The following TERT variants were observed in gnomAD, a reference collection of about 807,000 sequenced individuals.
TERT encodes telomerase reverse transcriptase.
A neutral mutation model predicts 104.0 loss-of-function variants in TERT; 42 were observed. The observed-to-expected ratio is 0.40, with a 90% CI of 0.32 to 0.52. The LOEUF is 0.52. Among genes scored for constraint, TERT ranks in the 20% least tolerant of loss-of-function variants. The probability of loss-of-function intolerance (pLI) is 0.43; values close to 1 mark genes in which losing one functional copy is unlikely to be tolerated. For synonymous variants in TERT, 781 were observed against 725.6 expected (o/e 1.08, Z -1.23); for missense variants, 1,101 against 1,610.3 (o/e 0.68, Z 5.41).
In TERT at chr5:1,273,098, A is replaced by ATGACCGC. The variant is rs1749226359; in HGVS notation, c.2287-819_2287-818insGCGGTCA. Among the ~76,000 whole-genome samples, 4 of 98,204 alleles carry ATGACCGC rather than the reference A, an allele frequency of 4.1e-5. 1 individual carries two copies. The highest frequency in any genetic ancestry group is 8.0e-5 in the Non-Finnish European group (4 of 49,800). The allele number at this position is 98,204 out of a possible 152,430, so 64.4% of individuals were successfully genotyped here. ...CCACAGTCACCACACATCAGACCCC[A>ATGACCGC]CAACCGCCATCCACAGTCACCACAC... On this transcript the variant is annotated intron_variant, in intron 6 of 15. Coordinates refer to ENST00000310581, the MANE Select transcript of TERT (RefSeq NM_198253.3).
intron 2 of TERT, among the ~76,000 whole-genome samples, chr5:1,284,975 C>A (rs1750380018): frequency 6.7e-6 from 1 of 148,960 alleles, no homozygotes; most frequent in African/African-American, 2.5e-5. Flanking sequence ...CCAGACACCA[C>A]ACATCCAGCT....
At chr5:1,258,122 C>T (rs900674731) in intron 13 of TERT, among the ~76,000 whole-genome samples, 3 of 152,212 alleles carry the variant, frequency 2.0e-5, no homozygotes, top group African/African-American at 7.2e-5. Flanking sequence ...AGGTGCTGGC[C>T]GGGCTGTGTG....
Position 1,253,181 on chromosome 5 carries a change from G to A in TERT, c.*547C>T, listed in dbSNP as rs528223152. The A allele has an allele frequency of 6.8e-4, 172 of 251,254 alleles. 1 individual carries two copies. The highest frequency in any genetic ancestry group is 3.4e-3 in the African/African-American group (154 of 45,632). The allele number at this position is 251,254 out of a possible 1,614,324, so 15.6% of individuals were successfully genotyped here. Reference sequence around the variant, plus strand: ...CAAACATGAGATTTTTTTCAAAACTGAAAAACTCATATATTCAGTATTTTA... The same window carrying A: ...CAAACATGAGATTTTTTTCAAAACTAAAAAACTCATATATTCAGTATTTTA... On this transcript the variant is annotated 3_prime_UTR_variant, in exon 16 of 16. Transcript: ENST00000310581.
intron 9 of TERT, among the ~76,000 whole-genome samples, chr5:1,267,154 T>C (rs1748666934): frequency 6.6e-6 from 1 of 152,222 alleles, no homozygotes; most frequent in African/African-American, 2.4e-5. Context: ...ATCTAGAACT[T>C]GAACCTTAAT....
In TERT at chr5:1,257,745, G is replaced by A. The variant is rs940297322; in HGVS notation, c.3032+853C>T. Among the ~76,000 whole-genome samples, 2 of 152,328 alleles carry A rather than the reference G, an allele frequency of 1.3e-5. No homozygotes were observed. Among genetic ancestry groups the A allele is most frequent in the South Asian group, 2.1e-4 (1 of 4,820 alleles). On this transcript the variant is annotated intron_variant, in intron 13 of 15. Coordinates refer to ENST00000310581, the MANE Select transcript of TERT (RefSeq NM_198253.3). The surrounding 1 kb of genome is among the most constrained non-coding windows in gnomAD (Gnocchi z 5.6). ...CCGTGAGCCCTTGCTGGGTTTCCAC[G>A]ATAGACGACGACCTCATTTCACATC...
rs997143130 is a variant in TERT, at chr5:1,274,188, G to A, written c.2287-1908C>T. On this transcript the variant is annotated intron_variant, in intron 6 of 15. Coordinates refer to ENST00000310581, the MANE Select transcript of TERT (RefSeq NM_198253.3). This position sits in a 1 kb window ranked among gnomAD's most constrained non-coding sequence, Gnocchi z 5.3. ...GCCCCCAGGAGCTGGCGGCAGGGCC[G>A]TGGGCTAAAACCACATCGAGTACGA... Among the ~76,000 whole-genome samples, 2 of 152,198 alleles carry A rather than the reference G, an allele frequency of 1.3e-5. No individual in the cohort carries two copies. Among genetic ancestry groups the A allele is most frequent in the Admixed American group, 6.5e-5 (1 of 15,282 alleles).
rs1747729203 is a variant in TERT, at chr5:1,256,379, T to C, written c.3033-968A>G. ...TGGGGCAGGTGTGCACAGACCTGGC[T>C]ACCATGAAACAGCACATGTGCACAT... is the stretch of plus-strand genomic sequence containing the variant. On this transcript the variant is annotated intron_variant, in intron 13 of 15. Coordinates refer to ENST00000310581, the MANE Select transcript of TERT (RefSeq NM_198253.3). This position sits in a 1 kb window ranked among gnomAD's most constrained non-coding sequence, Gnocchi z 7.0. Among the ~76,000 whole-genome samples, 1 of 152,042 alleles carries C rather than the reference T, an allele frequency of 6.6e-6. No homozygotes were observed. Among genetic ancestry groups the C allele is most frequent in the Non-Finnish European group, 1.5e-5 (1 of 68,002 alleles).
chr5:1,278,448 C>A (rs979108447), intron 6 of TERT, among the ~76,000 whole-genome samples, 193 bp downstream of exon 6: 3 of 151,998 alleles, frequency 2.0e-5, no homozygotes, highest in Non-Finnish European at 4.4e-5. Context: ...GTGCCACACA[C>A]ACACACACCA....
chr5:1,283,339 G>A (rs1244050932), intron 2 of TERT, among the ~76,000 whole-genome samples: 2 of 125,660 alleles, frequency 1.6e-5, no homozygotes, highest in African/African-American at 3.1e-5. Context: ...TCACTGCAGG[G>A]CCTGGCGACC....
At position 1,293,830 on chromosome 5, in the gene TERT, G is replaced by A; in HGVS notation, c.1056C>T (p.Pro352=). ...RPSFLLSSLR[P]SLTGARRLVE... Reference sequence around the variant, plus strand: ...CGAGCCTCCGAGCGCCAGTCAGGCTGGGCCTCAGAGAGCTGAGTAGGAAGG... The same window carrying A: ...CGAGCCTCCGAGCGCCAGTCAGGCTAGGCCTCAGAGAGCTGAGTAGGAAGG... The change falls in exon 2 of 16, where the codon CCC becomes CCT. Residue 352 remains proline (P), a synonymous_variant. Coordinates refer to ENST00000310581, the MANE Select transcript of TERT (RefSeq NM_198253.3). The A allele has an allele frequency of 6.5e-7, 1 of 1,549,400 alleles. No homozygotes were observed. The highest frequency in any genetic ancestry group is 1.2e-5 in the South Asian group (1 of 84,090).
chr5:1,284,582 T>C (rs1480871667), intron 2 of TERT, among the ~76,000 whole-genome samples: 2 of 117,184 alleles, frequency 1.7e-5, no homozygotes, highest in Admixed American at 9.3e-5. Flanking sequence ...ACCCCGGACC[T>C]GCACCATCTG....
At chr5:1,273,477 CCA>C (rs201749151) in intron 6 of TERT, among the ~76,000 whole-genome samples, 57 of 44,778 alleles carry the variant, frequency 1.3e-3, no homozygotes, top group African/African-American at 2.0e-3. Flanking sequence ...TCCACAGTCA[CCA>C]CACATCAGAC....
chr5:1,268,077 C>A lies in TERT; in HGVS notation c.2582+443G>T, dbSNP rs754964427. Among the ~76,000 whole-genome samples, 1 of 152,142 alleles carries A rather than the reference C, an allele frequency of 6.6e-6. No homozygotes were observed. The highest frequency in any genetic ancestry group is 6.5e-5 in the Admixed American group (1 of 15,278). ...AGGTGTGTGCGTCCTTGGGTGTAGACCCCATGCAAGTGGGATGGGCAATGG... is the reference window on the plus strand; with the variant it reads ...AGGTGTGTGCGTCCTTGGGTGTAGAACCCATGCAAGTGGGATGGGCAATGG... On this transcript the variant is annotated intron_variant, in intron 9 of 15. Transcript: ENST00000310581. This position sits in a 1 kb window ranked among gnomAD's most constrained non-coding sequence, Gnocchi z 5.5.
chr5:1,264,658 C>T, intron 10 of TERT, 66 bp from the exon 11 acceptor site: 1 of 1,574,228 alleles, frequency 6.4e-7, no homozygotes, highest in Non-Finnish European at 8.7e-7. Context: ...ACCTGACACC[C>T]TTGTTAAATG....
At position 1,279,423 on chromosome 5, in the gene TERT, G is replaced by A. The variant is rs1165252691; in HGVS notation, c.1998C>T (p.Asn666=). The A allele has an allele frequency of 3.9e-6, 6 of 1,551,494 alleles. No homozygotes were observed. Among genetic ancestry groups the A allele is most frequent in the Non-Finnish European group, 4.4e-6 (5 of 1,148,574 alleles). Residue 666 remains asparagine, a synonymous_variant, in exon 5 of 16, where the codon AAC becomes AAT. Coordinates refer to ENST00000310581, the MANE Select transcript of TERT (RefSeq NM_198253.3). The stretch of plus-strand genomic sequence containing the variant: ...GGCCGGGGCGCCGCGCCCGCTCGTA[G>A]TTGAGCACGCTGAACAGTGCCTTCA... ...SRVKALFSVL[N]YERARRPGLL... is the part of the protein sequence containing the mutation.
At position 1,274,296 on chromosome 5, in the gene TERT, A is replaced by G. The variant is rs1749379429; in HGVS notation, c.2287-2016T>C. Among the ~76,000 whole-genome samples the G allele has an allele frequency of 6.6e-6, 1 of 152,222 alleles. No homozygotes were observed. Among genetic ancestry groups the G allele is most frequent in the Non-Finnish European group, 1.5e-5 (1 of 68,048 alleles). On this transcript the variant is annotated intron_variant, in intron 6 of 15. Transcript: ENST00000310581. The surrounding 1 kb of genome is among the most constrained non-coding windows in gnomAD (Gnocchi z 5.3). ...CCTTCCCAACCCAGGAGCAGGCAAC[A>G]CGCCCACAAATAGCCCATGGGTCTG...
At chr5:1,281,394 AAGGCC>A (rs1750012797) in intron 3 of TERT, among the ~76,000 whole-genome samples, 1 of 152,174 alleles carries the variant, frequency 6.6e-6, no homozygotes, top group South Asian at 2.1e-4. Flanking sequence ...GGGGTGTCAC[AAGGCC>A]CCCCAGGGAC....
intron 2 of TERT, among the ~76,000 whole-genome samples, chr5:1,290,786 T>G (rs1444071656): frequency 4.6e-5 from 3 of 65,438 alleles, no homozygotes; most frequent in Admixed American, 1.5e-4. Context: ...ACCCTGCACG[T>G]GACAGGGACA....
chr5:1,266,583 G>A lies in TERT; in HGVS notation c.2583-48C>T, dbSNP rs370653294. The A allele has an allele frequency of 3.6e-5, 51 of 1,432,608 alleles. 1 individual carries two copies. The highest frequency in any genetic ancestry group is 9.7e-5 in the South Asian group (8 of 82,516). The allele number at this position is 1,432,608 out of a possible 1,614,324, so 88.7% of individuals were successfully genotyped here. A position where few individuals can be genotyped will look rare whatever the true frequency, so the allele number is the denominator to read the frequency against. ...GCAAGGTTAACTTTACACTTTTTAC[G>A]TAGTATCTGTCTACGAGGGACTGAA... On this transcript the variant is annotated intron_variant, in intron 9 of 15. Transcript: ENST00000310581.
Sources: allele counts gnomAD v4.1 joint callset (sites outside exome capture counted in the v4.1 genomes callset), GRCh38; gene constraint gnomAD v4.1.1; non-coding constraint Gnocchi (gnomAD v3.1); transcripts MANE v1.5; gene names NCBI Gene and HGNC (gene_info 2026-07-23, HGNC 2026-07-21).